Variants in NECTIN3 observed in about 807,000 individuals in gnomAD.
NECTIN3 encodes the protein nectin-3.
In NECTIN3, 8 loss-of-function variants were observed where a neutral mutation model predicts 49.4. The ratio of observed to expected loss-of-function variants is 0.16; its 90% CI spans 0.10 to 0.29. The LOEUF (loss-of-function observed/expected upper bound fraction) is 0.29. Among genes scored for constraint, NECTIN3 ranks in the 10% least tolerant of loss-of-function variants. The pLI is 1.00. For synonymous variants in NECTIN3, 277 were observed against 241.1 expected (o/e 1.15, Z -1.38); for missense variants, 581 against 654.6 (o/e 0.89, Z 1.23).
intron 1 of NECTIN3, chr3:111,072,646 G>A: frequency 2.1e-6 from 3 of 1,416,916 alleles, no homozygotes; most frequent in Non-Finnish European, 1.9e-6. Flanking sequence ...TTCCACCCTG[G>A]AGAAGGCACC....
intron 2 of NECTIN3, among the ~76,000 whole-genome samples, chr3:111,117,319 G>T (rs1354565029): frequency 2.0e-5 from 3 of 152,022 alleles, no homozygotes; most frequent in African/African-American, 7.2e-5. Context: ...TGTGTTGGTT[G>T]TAGAACTATA....
intron 7 of NECTIN3, among the ~76,000 whole-genome samples, chr3:111,161,550 G>A (rs115396589): frequency 0.013 from 2,016 of 152,258 alleles, 48 homozygotes; most frequent in African/African-American, 0.046. Flanking sequence ...AGGGGAGTCA[G>A]CATTACCGCC....
At chr3:111,098,927 T>TA (rs2032745836) in intron 1 of NECTIN3, among the ~76,000 whole-genome samples, 2 of 140,466 alleles carry the variant, frequency 1.4e-5, no homozygotes, top group African/African-American at 6.2e-5. Flanking sequence ...AAACGTTAGT[T>TA]TAAAAAAAAA....
rs559585371 is a variant in NECTIN3 at position 111,153,241 on chromosome 3, C to G, written c.1221+5757C>G. ...GACAAGTAGTGAAAGAATTGTGGGG[C>G]TTTATTCTGCTCTGAGGTGGAAAAA... On this transcript the variant is annotated intron_variant, in intron 7 of 8. Coordinates refer to the NECTIN3 transcript ENST00000493615. Among the ~76,000 whole-genome samples the G allele has an allele frequency of 1.1e-4, 17 of 151,872 alleles. No individual in the cohort carries two copies. In the South Asian group the frequency reaches 3.3e-3, roughly 30 times the overall value.
At chr3:111,160,726 G>A (rs913599055) in intron 7 of NECTIN3, among the ~76,000 whole-genome samples, 1 of 152,202 alleles carries the variant, frequency 6.6e-6, no homozygotes, top group Non-Finnish European at 1.5e-5. Flanking sequence ...GGAGTTTAGG[G>A]GCTGGGCGCA....
intron 1 of NECTIN3, among the ~76,000 whole-genome samples, chr3:111,103,727 G>T (rs2033035653): frequency 6.6e-6 from 1 of 152,020 alleles, no homozygotes; most frequent in South Asian, 2.1e-4. Flanking sequence ...GCCTATTTCT[G>T]ATCTTAACTG....
chr3:111,146,443 A>G (rs999042209), intron 6 of NECTIN3, among the ~76,000 whole-genome samples: 1 of 152,038 alleles, frequency 6.6e-6, no homozygotes, highest in Non-Finnish European at 1.5e-5. Flanking sequence ...CAAAAAAAAA[A>G]AAAAAAAAAG....
intron 7 of NECTIN3, among the ~76,000 whole-genome samples, chr3:111,150,030 T>C (rs544568390): frequency 6.6e-6 from 1 of 152,150 alleles, no homozygotes; most frequent in East Asian, 1.9e-4. Flanking sequence ...ATATATAGTA[T>C]TTTGAATATA....
intron 1 of NECTIN3, chr3:111,193,581 G>A: frequency 1.7e-6 from 1 of 584,538 alleles, no homozygotes; most frequent in Non-Finnish European, 2.9e-6. Flanking sequence ...CTGTGTTTGT[G>A]AACTTGACTA....
At chr3:111,112,540 G>A (rs1161092048) in intron 2 of NECTIN3, among the ~76,000 whole-genome samples, 169 bp downstream of exon 2, 1 of 152,120 alleles carries the variant, frequency 6.6e-6, no homozygotes, top group African/African-American at 2.4e-5. Flanking sequence ...TAGGTTCCCT[G>A]TAAATAAAAT....
intron 1 of NECTIN3, among the ~76,000 whole-genome samples, chr3:111,105,858 A>G (rs1322239690): frequency 6.6e-6 from 1 of 152,192 alleles, no homozygotes; most frequent in African/African-American, 2.4e-5. Flanking sequence ...TGTTTCAGGC[A>G]AAAGGATAAA....
At chr3:111,106,000 T>TCC (rs571365559) in intron 1 of NECTIN3, among the ~76,000 whole-genome samples, 1 of 148,696 alleles carries the variant, frequency 6.7e-6, no homozygotes, top group African/African-American at 2.5e-5. Flanking sequence ...TTTTTTTTTT[T>TCC]CCCACTTCTT....
At chr3:111,084,915 C>T (rs1250506104) in intron 1 of NECTIN3, among the ~76,000 whole-genome samples, 1 of 152,188 alleles carries the variant, frequency 6.6e-6, no homozygotes, top group African/African-American at 2.4e-5. Context: ...TTTATTCTCT[C>T]ACAGTTCTGG....
intron 1 of NECTIN3, among the ~76,000 whole-genome samples, chr3:111,105,150 C>CTT (rs63305862): frequency 7.5e-6 from 1 of 133,776 alleles, no homozygotes; most frequent in African/African-American, 2.7e-5. Context: ...TTTCTTTTTT[C>CTT]TTTTTTTTTT....
intron 1 of NECTIN3, among the ~76,000 whole-genome samples, chr3:111,086,973 T>C (rs1012215759): frequency 3.3e-5 from 5 of 152,278 alleles, no homozygotes; most frequent in East Asian, 1.9e-4. Context: ...ATTTTAATTA[T>C]AGATTTATTT....
chr3:111,089,435 A>ATATGTT (rs1270469749), intron 1 of NECTIN3, among the ~76,000 whole-genome samples: 1 of 149,492 alleles, frequency 6.7e-6, no homozygotes, highest in African/African-American at 2.5e-5. Flanking sequence ...GTGTGTATGT[A>ATATGTT]TATAAACATA....
At chr3:111,162,289 A>G (rs1182285280) in intron 7 of NECTIN3, among the ~76,000 whole-genome samples, 1 of 152,146 alleles carries the variant, frequency 6.6e-6, no homozygotes, top group Non-Finnish European at 1.5e-5. Context: ...CCCAAATCTC[A>G]TCTTGAGTTG....
chr3:111,086,150 C>T (rs1300485843), intron 1 of NECTIN3, among the ~76,000 whole-genome samples: 1 of 152,056 alleles, frequency 6.6e-6, no homozygotes. Context: ...TGTCTTTCAT[C>T]TTTTTATGGG....
At chr3:111,190,318 T>G (rs1300758943), upstream of NECTIN3, among the ~76,000 whole-genome samples, 2 of 152,118 alleles carry the variant, frequency 1.3e-5, no homozygotes, top group African/African-American at 4.8e-5. Context: ...TAGATAACCT[T>G]GACATATGAC....
Sources: gnomAD v4.1 joint callset for allele counts (sites outside exome capture counted in the v4.1 genomes callset) on GRCh38, gnomAD v4.1.1 for gene constraint, MANE v1.5 for transcripts, NCBI Gene and HGNC (gene_info 2026-07-23, HGNC 2026-07-21) for gene names.